NEDD4: variants seen among roughly 807,000 people sequenced by gnomAD.
NEDD4 encodes NEDD4 E3 ubiquitin protein ligase.
A neutral mutation model predicts 144.9 loss-of-function variants in NEDD4; 99 were observed. The ratio of observed to expected loss-of-function variants is 0.68; its 90% CI spans 0.58 to 0.81. The LOEUF is 0.81. NEDD4 is among the 30% of genes least tolerant of loss of function. NEDD4 has a pLI of 0.00. For synonymous variants in NEDD4, 318 were observed against 350.6 expected (o/e 0.91, Z 1.04); for missense variants, 985 against 1,065.9 (o/e 0.92, Z 1.06).
rs2033533778 is a variant in NEDD4, at chr15:55,842,050, C to A, written c.1722G>T (p.Trp574Cys). 1.2e-6 allele frequency: 2 copies of A among 1,614,114 alleles called. No homozygotes were observed. The change falls in exon 19 of 29, where the codon TGG becomes TGT. Residue 574 changes from tryptophan (W) to cysteine (C), a missense_variant. Trp to Cys is a radical substitution (Grantham distance 215). Coordinates refer to ENST00000435532, the MANE Select transcript of NEDD4 (RefSeq NM_006154.4). ...ATCCCTTTTCACCATCAAACTCAAT[C>A]CACAGTCGAGCCTTCAGGAAGTCTG... ...KRADFLKARL[W>C]IEFDGEKGLD...
At chr15:55,895,110 A>C (rs772506022) in intron 5 of NEDD4, among the ~76,000 whole-genome samples, 4 of 152,210 alleles carry the variant, frequency 2.6e-5, no homozygotes, top group Admixed American at 6.5e-5. Context: ...AAATACTCAC[A>C]GCTAGGTAAC....
rs765636644 is a variant in NEDD4 at position 55,860,408 on chromosome 15, G to A, written c.959C>T (p.Ser320Leu). The A allele has an allele frequency of 1.9e-6, 3 of 1,613,944 alleles. No homozygotes were observed. In the Admixed American group the frequency reaches 5.0e-5, roughly 27 times the overall value. ...TAACAAAATCTAAGAGCATCTTACT[G>A]AGCTCGATGCTGGCTGGCTCACGGC... is the stretch of plus-strand genomic sequence containing the variant. ...NSAVSQPASSSNHSSRRGSLQ... is the reference protein window; with the variant it reads ...NSAVSQPASSLNHSSRRGSLQ... The change falls in exon 11 of 29, where the codon TCA (serine) becomes TTA (leucine). Residue 320 changes from serine to leucine, a missense_variant and splice_region_variant. Coordinates refer to ENST00000435532, the MANE Select transcript of NEDD4 (RefSeq NM_006154.4).
At chr15:55,920,948 TC>T (rs75200899) in intron 5 of NEDD4, among the ~76,000 whole-genome samples, 21,915 of 152,088 alleles carry the variant, frequency 0.14, 1,698 homozygotes, top group East Asian at 0.35. Flanking sequence ...AAACCGAGTT[TC>T]TCAAGAAAAG....
intron 27 of NEDD4, among the ~76,000 whole-genome samples, chr15:55,831,072 A>C (rs1418354540): frequency 6.6e-6 from 1 of 151,986 alleles, no homozygotes; most frequent in Non-Finnish European, 1.5e-5. Context: ...GGAGTGTGCC[A>C]CCACACCCAG....
intron 4 of NEDD4, among the ~76,000 whole-genome samples, chr15:55,932,881 T>C (rs1448845580): frequency 6.6e-6 from 1 of 152,088 alleles, no homozygotes; most frequent in Non-Finnish European, 1.5e-5. Flanking sequence ...CAGACACTTC[T>C]CAAAAGAAGA....
chr15:55,909,315 G>T (rs1020799639), intron 5 of NEDD4, among the ~76,000 whole-genome samples: 1 of 152,140 alleles, frequency 6.6e-6, no homozygotes, highest in Non-Finnish European at 1.5e-5. Context: ...ATCTTAGTGT[G>T]GGTAAAATTG....
chr15:55,863,009 A>G lies in NEDD4; in HGVS notation c.578T>C (p.Leu193Pro). The change falls in exon 9 of 29, where the codon CTA becomes CCA. Residue 193 changes from leucine to proline, a missense_variant. Coordinates refer to ENST00000435532, the MANE Select transcript of NEDD4 (RefSeq NM_006154.4). ...HLQQQQEPSP[L>P]PPGWEERQDI... is the part of the protein sequence containing the mutation. ...CTGCCTCTCTTCCCACCCTGGAGGT[A>G]GAGGAGAAGGTTCTTGTTGTTGCTG... is the stretch of plus-strand genomic sequence containing the variant. 3 of 1,607,312 alleles carry G rather than the reference A, an allele frequency of 1.9e-6. No individual in the cohort carries two copies. The South Asian group carries it at 3.3e-5, about 18-fold the overall frequency.
chr15:55,863,925 C>G (rs748443347), intron 8 of NEDD4, among the ~76,000 whole-genome samples: 1 of 152,228 alleles, frequency 6.6e-6, no homozygotes, highest in African/African-American at 2.4e-5. Context: ...AAGTCATTCT[C>G]ATTCCCTTGT....
intron 9 of NEDD4, among the ~76,000 whole-genome samples, chr15:55,861,499 T>C (rs1173378604): frequency 2.6e-5 from 4 of 152,090 alleles, no homozygotes; most frequent in Non-Finnish European, 5.9e-5. Flanking sequence ...CTACAGTCAA[T>C]AATAATTTAA....
Position 55,881,655 on chromosome 15 carries a change from CT to C in NEDD4, c.292-7648del, listed in dbSNP as rs1193433471. On this transcript the variant is annotated intron_variant, in intron 5 of 28. Coordinates refer to ENST00000435532, the MANE Select transcript of NEDD4 (RefSeq NM_006154.4). ...TTAAAAAAAACAAAAACAAAAACAA[CT>C]TTTTTTTTGGTTTAGTCTTATTAAA... 3.3e-5 allele frequency among the ~76,000 whole-genome samples: 5 copies of C among 151,278 alleles called. No homozygotes were observed. The East Asian group carries it at 7.8e-4, about 23-fold the overall frequency.
rs2032768595 is a variant in NEDD4, at chr15:55,827,940, CAATG to C, written c.*1953_*1956del. 6.6e-6 allele frequency: 1 copy of C among 152,108 alleles called. No individual in the cohort carries two copies. The highest frequency in any genetic ancestry group is 2.4e-5 in the African/African-American group (1 of 41,410). 9.4% of individuals were successfully genotyped at this position (152,108 alleles called of 1,614,324 possible). ...TGGAACTTCTGACAATCTGGCATGA[CAATG>C]AGGGTGGGCATGATTACTCTCATTT... On this transcript the variant is annotated 3_prime_UTR_variant, in exon 29 of 29. Transcript: ENST00000435532.
At chr15:55,961,336 GAA>G (rs1177754001) in intron 2 of NEDD4, among the ~76,000 whole-genome samples, 1 of 150,650 alleles carries the variant, frequency 6.6e-6, no homozygotes, top group Non-Finnish European at 1.5e-5. Context: ...AAAAAAAGTA[GAA>G]AAAAAAATAC....
intron 5 of NEDD4, among the ~76,000 whole-genome samples, chr15:55,899,668 G>C (rs1361114288): frequency 6.6e-6 from 1 of 152,174 alleles, no homozygotes; most frequent in African/African-American, 2.4e-5. Context: ...GGATCATTGT[G>C]AAAGTACAGG....
At chr15:55,945,913 C>A (rs2037103305) in intron 4 of NEDD4, among the ~76,000 whole-genome samples, 1 of 152,096 alleles carries the variant, frequency 6.6e-6, no homozygotes, top group South Asian at 2.1e-4. Flanking sequence ...CCAAACTAAG[C>A]TTCATAAGAA....
intron 8 of NEDD4, among the ~76,000 whole-genome samples, chr15:55,865,042 AC>A (rs1172641378): frequency 6.6e-6 from 1 of 151,840 alleles, no homozygotes; most frequent in Non-Finnish European, 1.5e-5. Flanking sequence ...TACTAAAAAT[AC>A]AAAAATTAGC....
At chr15:55,987,976 G>T (rs2037921210) in intron 1 of NEDD4, 1 of 149,518 alleles carries the variant, frequency 6.7e-6, no homozygotes, top group African/African-American at 2.5e-5. Context: ...GGTTCCATAT[G>T]AACTTTAAAG....
intron 4 of NEDD4, among the ~76,000 whole-genome samples, chr15:55,943,032 C>T (rs1366543848): frequency 1.3e-5 from 2 of 152,222 alleles, no homozygotes; most frequent in African/African-American, 4.8e-5. Flanking sequence ...CTCTAGAAAT[C>T]TGTGGAACTT....
At chr15:55,964,772 C>T (rs1438095171) in intron 2 of NEDD4, among the ~76,000 whole-genome samples, 2 of 148,758 alleles carry the variant, frequency 1.3e-5, no homozygotes, top group Non-Finnish European at 3.0e-5. Flanking sequence ...ATCCTTCAAA[C>T]CGCATGTTGA....
intron 5 of NEDD4, among the ~76,000 whole-genome samples, chr15:55,888,970 C>T (rs986377898): frequency 6.6e-6 from 1 of 152,194 alleles, no homozygotes; most frequent in Non-Finnish European, 1.5e-5. Context: ...TAAACACTTA[C>T]ATCTAAGACC....
Sources: gnomAD v4.1 joint callset for allele counts (sites outside exome capture counted in the v4.1 genomes callset) on GRCh38, gnomAD v4.1.1 for gene constraint, MANE v1.5 for transcripts, NCBI Gene and HGNC (gene_info 2026-07-23, HGNC 2026-07-21) for gene names.